Variants in MGAT4B observed in about 807,000 individuals in gnomAD.
MGAT4B encodes the protein alpha-1,3-mannosyl-glycoprotein 4-beta-N-acetylglucosaminyltransferase B, also known as N-acetylglucosaminyltransferase IVb.
A neutral mutation model predicts 73.9 loss-of-function variants in MGAT4B; 38 were observed. The observed-to-expected ratio is 0.51, with a 90% CI of 0.40 to 0.67. The LOEUF (loss-of-function observed/expected upper bound fraction) is 0.67. Ranked by LOEUF, MGAT4B falls within the 30% of genes least tolerant of loss-of-function variation. The probability of loss-of-function intolerance (pLI) is 0.00; values close to 1 mark genes in which losing one functional copy is unlikely to be tolerated. For synonymous variants in MGAT4B, 373 were observed against 313.5 expected (o/e 1.19, Z -2.01); for missense variants, 686 against 735.2 (o/e 0.93, Z 0.77).
In MGAT4B at chr5:179,801,654, G is replaced by A. The variant is rs753621997; in HGVS notation, c.324C>T (p.His108=). ...GGAAGACGGTGGGCAGGTGCAGCAC[G>A]TGCCGGTGTGAGCCGTTCCACGGCT... ...RLKPWNGSHR[H]VLHLPTVFHH... The change falls in exon 3 of 15, where the codon CAC becomes CAT. Residue 108 remains histidine (H), a synonymous_variant. Coordinates refer to ENST00000292591, the MANE Select transcript of MGAT4B (RefSeq NM_014275.5). The surrounding 1 kb of genome is among the most constrained non-coding windows in gnomAD (Gnocchi z 4.8). 60 of 1,606,532 alleles carry A rather than the reference G, an allele frequency of 3.7e-5. No homozygotes were observed. The highest frequency in any genetic ancestry group is 4.4e-5 in the Non-Finnish European group (52 of 1,178,192).
chr5:179,805,668 G>A (rs1186842768), intron 1 of MGAT4B, among the ~76,000 whole-genome samples: 2 of 152,264 alleles, frequency 1.3e-5, no homozygotes, highest in Non-Finnish European at 2.9e-5. Context: ...GGAAGCAGGT[G>A]GCGGGGAGGC....
intron 1 of MGAT4B, chr5:179,802,305 C>T (rs913496262): frequency 3.6e-6 from 5 of 1,382,162 alleles, no homozygotes; most frequent in African/African-American, 1.5e-5. Context: ...AGACTGAATC[C>T]GCTCCATCCG....
chr5:179,798,270 G>A lies in MGAT4B; in HGVS notation c.1518C>T (p.Phe506=), dbSNP rs1419774330. ...SPDGYLQIGS[F]YKGVAEGEVD... ...CCTCTCCCTCTGCCACTCCCTTGTA[G>A]AAGGAGCCTGTGGGAGGGCAGTGGT... The change falls in exon 14 of 15, where the codon TTC becomes TTT. Residue 506 remains phenylalanine (F), a synonymous_variant. Coordinates refer to ENST00000292591, the MANE Select transcript of MGAT4B (RefSeq NM_014275.5). The A allele has an allele frequency of 1.2e-6, 2 of 1,612,682 alleles. No individual in the cohort carries two copies. The highest frequency in any genetic ancestry group is 3.3e-5 in the Admixed American group (2 of 59,982).
chr5:179,798,834 A>T, intron 11 of MGAT4B, 94 bp downstream of exon 11: 1 of 1,444,832 alleles, frequency 6.9e-7, no homozygotes, highest in Non-Finnish European at 9.5e-7. Flanking sequence ...AGATGCGGAA[A>T]CTGAAGAACG....
Position 179,806,444 on chromosome 5 carries a change from G to A in MGAT4B, c.97+43C>T. ...CGCCGGGCCCGCTCCCGCCGCCGAC[G>A]CCCAGGTGCGCCAGGTGCGGGCCGG... is the stretch of plus-strand genomic sequence containing the variant. On this transcript the variant is annotated intron_variant, in intron 1 of 14. Transcript: ENST00000292591. This position sits in a 1 kb window ranked among gnomAD's most constrained non-coding sequence, Gnocchi z 4.6. The A allele has an allele frequency of 2.6e-6, 3 of 1,170,370 alleles. No homozygotes were observed. In the South Asian group the frequency reaches 7.1e-5, roughly 28 times the overall value. The allele number at this position is 1,170,370 out of a possible 1,614,324, so 72.5% of individuals were successfully genotyped here.
rs11547066 is a variant in MGAT4B at position 179,801,415 on chromosome 5, C to G, written c.477G>C (p.Leu159=). ...AGATGAGCGAGTGCAGAGTGTCAGT[C>G]AGGTACGAGTGCACCTCGCGCCGCA... ...PSVRREVHSY[L]TDTLHSLISE... The change falls in exon 4 of 15, where the codon CTG becomes CTC. Residue 159 remains leucine, a synonymous_variant. Coordinates refer to ENST00000292591, the MANE Select transcript of MGAT4B (RefSeq NM_014275.5). The surrounding 1 kb of genome is among the most constrained non-coding windows in gnomAD (Gnocchi z 4.8). The G allele has an allele frequency of 6.2e-7, 1 of 1,612,538 alleles. No individual in the cohort carries two copies. Among genetic ancestry groups the G allele is most frequent in the Non-Finnish European group, 8.5e-7 (1 of 1,179,448 alleles).
At chr5:179,803,247 T>C in intron 1 of MGAT4B, 6 of 985,200 alleles carry the variant, frequency 6.1e-6, no homozygotes, top group Non-Finnish European at 7.2e-6. Flanking sequence ...ACCCTGCCTC[T>C]CTGGGGCTAA....
In MGAT4B at chr5:179,806,286, G is replaced by A. The variant is rs1757150199; in HGVS notation, c.97+201C>T. The A allele has an allele frequency of 5.4e-6, 1 of 185,272 alleles. No individual in the cohort carries two copies. Among genetic ancestry groups the A allele is most frequent in the South Asian group, 1.9e-4 (1 of 5,176 alleles). 11.5% of individuals were successfully genotyped at this position (185,272 alleles called of 1,614,324 possible). On this transcript the variant is annotated intron_variant, in intron 1 of 14. Transcript: ENST00000292591. This position sits in a 1 kb window ranked among gnomAD's most constrained non-coding sequence, Gnocchi z 4.6. ...GGAGTCCGGTCCGGAGCACCCACGG[G>A]CGCGGCCCGGGCCCGAGGAGAACGC...
chr5:179,799,101 C>T lies in MGAT4B; in HGVS notation c.1170G>A (p.Gln390=), dbSNP rs899427281. Residue 390 remains glutamine (Q), a synonymous_variant, in exon 11 of 15, where the codon CAG becomes CAA. Coordinates refer to ENST00000292591, the MANE Select transcript of MGAT4B (RefSeq NM_014275.5). ...QKLKDKDFGK[Q]ALRKEHVNPP... The stretch of plus-strand genomic sequence containing the variant: ...GGTTCACATGCTCCTTCCGCAGCGC[C>T]TGCTTTCCAAAGTCTTTGTCCTGCA... 2 of 1,613,882 alleles carry T rather than the reference C, an allele frequency of 1.2e-6. No individual in the cohort carries two copies. Among genetic ancestry groups the T allele is most frequent in the Non-Finnish European group, 1.7e-6 (2 of 1,180,046 alleles).
intron 11 of MGAT4B, 46 bp from the exon 12 acceptor site, chr5:179,798,637 G>A: frequency 6.3e-7 from 1 of 1,598,456 alleles, no homozygotes; most frequent in Admixed American, 1.7e-5. Flanking sequence ...CAGCGTTCCA[G>A]CACAGCACCC....
intron 11 of MGAT4B, 70 bp downstream of exon 11, chr5:179,798,858 C>T: frequency 1.3e-6 from 2 of 1,544,434 alleles, no homozygotes; most frequent in East Asian, 2.3e-5. Context: ...GGATAACTTG[C>T]CGGTGAAGCC....
chr5:179,798,198 C>T lies in MGAT4B; in HGVS notation c.1590G>A (p.Gln530=). The part of the protein sequence containing the change: ...GPLEALRLSI[Q]TDSPVWVILS... ...GAATCACCCACACAGGGGAGTCCGT[C>T]TGGATCGAGAGGCGCAGTGCTTCCA... Residue 530 remains glutamine, a synonymous_variant, in exon 14 of 15, where the codon CAG becomes CAA. Transcript: ENST00000292591. 2.5e-6 allele frequency: 4 copies of T among 1,599,132 alleles called. No homozygotes were observed. The highest frequency in any genetic ancestry group is 3.4e-6 in the Non-Finnish European group (4 of 1,171,786).
chr5:179,797,974 A>G lies in MGAT4B; in HGVS notation c.*71T>C. Reference sequence around the variant, plus strand: ...CGGGGCCGTATCTGGCCCTCCGGGGACGGCAGTGACGACACCCCCAGAAAT... The same window carrying G: ...CGGGGCCGTATCTGGCCCTCCGGGGGCGGCAGTGACGACACCCCCAGAAAT... On this transcript the variant is annotated 3_prime_UTR_variant, in exon 15 of 15. Transcript: ENST00000292591. 1 of 1,546,084 alleles carries G rather than the reference A, an allele frequency of 6.5e-7. No homozygotes were observed. The highest frequency in any genetic ancestry group is 8.8e-7 in the Non-Finnish European group (1 of 1,138,430).
At position 179,799,980 on chromosome 5, in the gene MGAT4B, AG is replaced by A. The variant is rs774462422; in HGVS notation, c.883del (p.Leu295TrpfsTer18). Reference sequence around the variant, plus strand: ...AATGAAGCCCAGCTGGGAGAACTCCAGGATCATCCAGTCCTCTGAAGGCTGC... The same window carrying A: ...AATGAAGCCCAGCTGGGAGAACTCCAGATCATCCAGTCCTCTGAAGGCTGC... Reference protein sequence around the residue: ...LQQPSEDWMILEFSQLGFIGK... With the variant: ...LQQPSEDWMIXEFSQLGFIGK... On this transcript the variant is annotated frameshift_variant, in exon 8 of 15. Coordinates refer to ENST00000292591, the MANE Select transcript of MGAT4B (RefSeq NM_014275.5). LOFTEE classifies it high-confidence loss of function. The A allele has an allele frequency of 6.2e-7, 1 of 1,613,956 alleles. No individual in the cohort carries two copies. The highest frequency in any genetic ancestry group is 1.7e-5 in the Admixed American group (1 of 60,028).
rs532682480 is a variant in MGAT4B, at chr5:179,797,857, G to A, written c.*188C>T. Reference sequence around the variant, plus strand: ...GGGCCGCCTGCCTCCTCCGCGGCCCGGCGGGCGGGGGCAGCACCAGCTCCT... The same window carrying A: ...GGGCCGCCTGCCTCCTCCGCGGCCCAGCGGGCGGGGGCAGCACCAGCTCCT... On this transcript the variant is annotated 3_prime_UTR_variant, in exon 15 of 15. Coordinates refer to ENST00000292591, the MANE Select transcript of MGAT4B (RefSeq NM_014275.5). 640 of 767,170 alleles carry A rather than the reference G, an allele frequency of 8.3e-4. 3 individuals are homozygous for A. The highest frequency in any genetic ancestry group is 2.0e-3 in the Middle Eastern group (5 of 2,526). 47.5% of individuals were successfully genotyped at this position (767,170 alleles called of 1,614,324 possible). A position where few individuals can be genotyped will look rare whatever the true frequency, so the allele number is the denominator to read the frequency against.
chr5:179,800,253 C>T lies in MGAT4B; in HGVS notation c.726G>A (p.Arg242=). The T allele has an allele frequency of 6.2e-7, 1 of 1,613,346 alleles. No homozygotes were observed. Among genetic ancestry groups the T allele is most frequent in the Non-Finnish European group, 8.5e-7 (1 of 1,179,998 alleles). ...FGDPKERVRW[R]TKQNLDYCFL... ...AGCAGTAATCGAGGTTCTGTTTGGT[C>T]CTCCACCTGTGGGCCGGGGCGGGGC... Residue 242 remains arginine, a synonymous_variant, in exon 7 of 15, where the codon AGG becomes AGA. Coordinates refer to ENST00000292591, the MANE Select transcript of MGAT4B (RefSeq NM_014275.5).
At position 179,801,828 on chromosome 5, in the gene MGAT4B, G is replaced by A. The variant is rs1345869352; in HGVS notation, c.239C>T (p.Ala80Val). The change falls in exon 2 of 15, where the codon GCG (alanine) becomes GTG (valine). Residue 80 changes from alanine (A) to valine (V), a missense_variant. Ala to Val is a moderately conservative substitution (Grantham distance 64, BLOSUM62 0). Transcript: ENST00000292591. The surrounding 1 kb of genome is among the most constrained non-coding windows in gnomAD (Gnocchi z 4.8). Reference sequence around the variant, plus strand: ...GCGATTGCCGTCTCCGTCTCGCAGCGCCTGCCTTTCTGACACGGCCCTCTT... The same window carrying A: ...GCGATTGCCGTCTCCGTCTCGCAGCACCTGCCTTTCTGACACGGCCCTCTT... The part of the protein sequence containing the change: ...EIKRAVSERQ[A>V]LRDGDGNRTW... The A allele has an allele frequency of 1.9e-6, 3 of 1,605,074 alleles. No homozygotes were observed. The highest frequency in any genetic ancestry group is 2.6e-6 in the Non-Finnish European group (3 of 1,173,590).
chr5:179,803,483 G>C (rs1416487159), intron 1 of MGAT4B: 2 of 157,938 alleles, frequency 1.3e-5, no homozygotes, highest in East Asian at 3.9e-4. Context: ...CAGAGGCCTA[G>C]AGAGCCATCA....
rs555504893 is a variant in MGAT4B, at chr5:179,799,129, G to A, written c.1150-8C>T. On this transcript the variant is annotated splice_region_variant and splice_polypyrimidine_tract_variant and intron_variant, in intron 10 of 14. Transcript: ENST00000292591. ...CTTTCCAAAGTCTTTGTCCTGCAGCGGAGGAGGGACAGCAGTGATGGCGTG... is the reference window on the plus strand; with the variant it reads ...CTTTCCAAAGTCTTTGTCCTGCAGCAGAGGAGGGACAGCAGTGATGGCGTG... The A allele has an allele frequency of 2.4e-4, 386 of 1,613,990 alleles. 5 individuals are homozygous for A. The South Asian group carries it at 3.9e-3, about 16-fold the overall frequency.
Sources: gnomAD v4.1 joint callset for allele counts (sites outside exome capture counted in the v4.1 genomes callset) on GRCh38, gnomAD v4.1.1 for gene constraint, Gnocchi (gnomAD v3.1) non-coding constraint, MANE v1.5 for transcripts, NCBI Gene and HGNC (gene_info 2026-07-23, HGNC 2026-07-21) for gene names.